ADAT1: variants seen among roughly 807,000 people sequenced by gnomAD.
ADAT1 encodes tRNA-specific adenosine deaminase 1.
In ADAT1, 58 loss-of-function variants were observed where a neutral mutation model predicts 58.6. The observed-to-expected ratio is 0.99, with a 90% CI of 0.80 to 1.23. ADAT1 has a LOEUF of 1.23. Ranked by LOEUF, ADAT1 falls within the 50% of genes most tolerant of loss-of-function variation. The pLI, the probability that ADAT1 is intolerant of heterozygous loss-of-function variation, is 0.00. For missense variants in ADAT1, 741 were observed against 608.6 expected, an observed-to-expected ratio of 1.22 and a Z score of -2.29; for synonymous variants, 254 against 220.8, an observed-to-expected ratio of 1.15 and a Z score of -1.33.
intron 7 of ADAT1, among the ~76,000 whole-genome samples, 154 bp downstream of exon 7, chr16:75,608,689 T>G (rs2081434178): frequency 6.6e-6 from 1 of 152,130 alleles, no homozygotes; most frequent in Admixed American, 6.5e-5. Flanking sequence ...CACAAGAGCA[T>G]AAACGTGACC....
intron 5 of ADAT1, among the ~76,000 whole-genome samples, chr16:75,613,076 T>C (rs2081599598): frequency 6.6e-6 from 1 of 152,160 alleles, no homozygotes; most frequent in South Asian, 2.1e-4. Context: ...AACTACTGAC[T>C]TCATCTATTC....
At chr16:75,617,819 C>A (rs1199818219) in intron 4 of ADAT1, among the ~76,000 whole-genome samples, 1 of 151,070 alleles carries the variant, frequency 6.6e-6, no homozygotes, top group African/African-American at 2.4e-5. Flanking sequence ...AGGATTGTGA[C>A]TCATGCCTGT....
In ADAT1 at chr16:75,599,069, G is replaced by C; in HGVS notation, c.*1147C>G. 1 of 967,668 alleles carries C rather than the reference G, an allele frequency of 1.0e-6. No homozygotes were observed. The highest frequency in any genetic ancestry group is 1.2e-6 in the Non-Finnish European group (1 of 821,024). 59.9% of individuals were successfully genotyped at this position (967,668 alleles called of 1,614,324 possible). The stretch of plus-strand genomic sequence containing the variant: ...TTGCTGATTTGCTGCAGGGCCTTTT[G>C]GCTTCTTTTTTTTTTTTTTTTTTTT... On this transcript the variant is annotated 3_prime_UTR_variant, in exon 10 of 10. Coordinates refer to ENST00000564657, the MANE Select transcript of ADAT1 (RefSeq NM_001324445.2).
At chr16:75,608,345 G>C (rs777788828) in intron 7 of ADAT1, 22 bp from the exon 8 acceptor site, 27 of 1,579,838 alleles carry the variant, frequency 1.7e-5, no homozygotes, top group Non-Finnish European at 2.3e-5. Context: ...TAAGATTCTA[G>C]GGTTAAAACT....
chr16:75,602,944 G>A (rs2081267989), intron 9 of ADAT1, 141 bp downstream of exon 9: 10 of 720,332 alleles, frequency 1.4e-5, no homozygotes, highest in Admixed American at 2.2e-5. Context: ...TAGGGCTATG[G>A]GGAAAGAAGA....
chr16:75,612,929 T>C (rs2081592962), intron 5 of ADAT1, 68 bp from the exon 6 acceptor site: 1 of 1,538,478 alleles, frequency 6.5e-7, no homozygotes, highest in Non-Finnish European at 8.7e-7. Flanking sequence ...CACAATGGGA[T>C]CTCTTGGGAA....
At chr16:75,607,975 A>C (rs2081416508) in intron 8 of ADAT1, among the ~76,000 whole-genome samples, 1 of 152,256 alleles carries the variant, frequency 6.6e-6, no homozygotes, top group African/African-American at 2.4e-5. Context: ...AAGTGAAAGA[A>C]GCCAGATACA....
At chr16:75,608,507 T>C in intron 7 of ADAT1, 184 bp from the exon 8 acceptor site, 1 of 589,392 alleles carries the variant, frequency 1.7e-6, no homozygotes, top group Non-Finnish European at 3.0e-6. Flanking sequence ...CATAATTCAT[T>C]ATTATTATGA....
chr16:75,621,587 T>C (rs1020432230), intron 1 of ADAT1, among the ~76,000 whole-genome samples: 7 of 152,160 alleles, frequency 4.6e-5, no homozygotes, highest in South Asian at 2.1e-4. Context: ...TAAAAAGCAA[T>C]TGCTACTATG....
chr16:75,620,422 G>A, intron 2 of ADAT1, 88 bp from the exon 3 acceptor site: 6 of 1,483,970 alleles, frequency 4.0e-6, no homozygotes, highest in Non-Finnish European at 4.7e-6. Context: ...CTCCTCTAGG[G>A]GATTCCCAGA....
At position 75,599,012 on chromosome 16, in the gene ADAT1, C is replaced by T. The variant is rs982512989; in HGVS notation, c.*1204G>A. ...GGTCTGAAGTTGAGTGTTAAACATT[C>T]GATGTTAAAACAGGATTGGCTGCTG... On this transcript the variant is annotated 3_prime_UTR_variant, in exon 10 of 10. Transcript: ENST00000564657. 24 of 983,126 alleles carry T rather than the reference C, an allele frequency of 2.4e-5. No individual in the cohort carries two copies. The highest frequency in any genetic ancestry group is 5.2e-4 in the Middle Eastern group (1 of 1,908). 60.9% of individuals were successfully genotyped at this position (983,126 alleles called of 1,614,324 possible). A position where few individuals can be genotyped will look rare whatever the true frequency, so the allele number is the denominator to read the frequency against.
At chr16:75,621,935 G>C (rs971981834) in intron 1 of ADAT1, among the ~76,000 whole-genome samples, 2 of 152,200 alleles carry the variant, frequency 1.3e-5, no homozygotes, top group African/African-American at 4.8e-5. Context: ...CTCACCTGAG[G>C]TCAGGAGTTC....
intron 9 of ADAT1, 135 bp downstream of exon 9, chr16:75,602,947 AAAG>A (rs1567462471): frequency 1.1e-5 from 8 of 731,140 alleles, no homozygotes; most frequent in South Asian, 3.3e-5. Flanking sequence ...GGCTATGGGG[AAAG>A]AAGAACTTGT....
At chr16:75,620,881 G>T in intron 1 of ADAT1, 61 bp from the exon 2 acceptor site, 3 of 1,414,550 alleles carry the variant, frequency 2.1e-6, no homozygotes, top group East Asian at 4.7e-5. Context: ...CGATGCTACA[G>T]CCTCTCATAT....
intron 8 of ADAT1, among the ~76,000 whole-genome samples, chr16:75,604,472 TATACACACACACAC>T (rs1344064309): frequency 1.8e-5 from 1 of 54,336 alleles, no homozygotes; most frequent in Non-Finnish European, 3.1e-5. Context: ...TATATATATA[TATACACACACACAC>T]ACACACACAC....
chr16:75,606,958 T>C (rs2081387725), intron 8 of ADAT1, among the ~76,000 whole-genome samples: 2 of 152,178 alleles, frequency 1.3e-5, no homozygotes, highest in African/African-American at 4.8e-5. Context: ...CAGCACATGG[T>C]GGCTCACGCC....
At position 75,598,450 on chromosome 16, in the gene ADAT1, G is replaced by T; in HGVS notation, c.*1766C>A. ...GAAACAGCTCTAGGAAACTATTACA[G>T]GCACAAAATTTGTGATGAAAATGTT... On this transcript the variant is annotated 3_prime_UTR_variant, in exon 10 of 10. Transcript: ENST00000564657. The T allele has an allele frequency of 6.3e-6, 1 of 158,780 alleles. No individual in the cohort carries two copies. The highest frequency in any genetic ancestry group is 1.4e-5 in the Non-Finnish European group (1 of 70,424). The allele number at this position is 158,780 out of a possible 1,614,324, so 9.8% of individuals were successfully genotyped here.
rs1004587152 is a variant in ADAT1, at chr16:75,600,050, G to T, written c.*166C>A. The T allele has an allele frequency of 1.4e-6, 2 of 1,476,642 alleles. No individual in the cohort carries two copies. The highest frequency in any genetic ancestry group is 1.4e-5 in the South Asian group (1 of 69,858). The allele number at this position is 1,476,642 out of a possible 1,614,324, so 91.5% of individuals were successfully genotyped here. ...TTTAGCAGAGAGCTACTTCAATCAA[G>T]TATAGCTTGCTCTAAGTTCCAGATT... On this transcript the variant is annotated 3_prime_UTR_variant, in exon 10 of 10. Transcript: ENST00000564657.
At chr16:75,607,781 G>T (rs2081410810) in intron 8 of ADAT1, among the ~76,000 whole-genome samples, 1 of 152,110 alleles carries the variant, frequency 6.6e-6, no homozygotes, top group Non-Finnish European at 1.5e-5. Context: ...TACATGAAAT[G>T]TTCATAGTTC....
Sources: allele counts gnomAD v4.1 joint callset (sites outside exome capture counted in the v4.1 genomes callset), GRCh38; gene constraint gnomAD v4.1.1; transcripts MANE v1.5; gene names NCBI Gene and HGNC (gene_info 2026-07-23, HGNC 2026-07-21).